The following MRTFA variants were observed in gnomAD, a reference collection of about 807,000 sequenced individuals.
MRTFA encodes the protein myocardin related transcription factor A.
A neutral mutation model predicts 83.5 loss-of-function variants in MRTFA; 20 were observed. That is an observed-to-expected ratio of 0.24 (90% CI 0.17 to 0.35). The LOEUF is 0.35. Among genes scored for constraint, MRTFA ranks in the 10% least tolerant of loss-of-function variants. The pLI is 1.00. For synonymous variants in MRTFA, 659 were observed against 541.2 expected, an observed-to-expected ratio of 1.22 and a Z score of -3.02; for missense variants, 1,200 against 1,224.7, an observed-to-expected ratio of 0.98 and a Z score of 0.30.
chr22:40,501,551 GC>G (rs1451307443), intron 3 of MRTFA, among the ~76,000 whole-genome samples: 3 of 142 alleles, frequency 0.021, no homozygotes, highest in Non-Finnish European at 0.012. Context: ...CGGGCGGGGG[GC>G]TGACCCCCCC....
chr22:40,631,847 C>A (rs2056645464), intron 1 of MRTFA, among the ~76,000 whole-genome samples: 1 of 152,162 alleles, frequency 6.6e-6, no homozygotes, highest in South Asian at 2.1e-4. Context: ...CAAAGGTAAT[C>A]TTTCCTACTC....
chr22:40,417,620 T>G (rs991667320), intron 12 of MRTFA, 127 bp from the exon 13 acceptor site: 333 of 622,590 alleles, frequency 5.3e-4, no homozygotes, highest in Middle Eastern at 1.9e-3. Context: ...TGGGAGGCAC[T>G]GGCTTTTAGG....
At chr22:40,480,321 C>T (rs1361628314) in intron 3 of MRTFA, among the ~76,000 whole-genome samples, 2 of 151,620 alleles carry the variant, frequency 1.3e-5, no homozygotes, top group African/African-American at 4.9e-5. Context: ...GCATTGTTGC[C>T]CAGGCTGGCC....
At chr22:40,459,816 C>CATATAT (rs1360700440) in intron 4 of MRTFA, among the ~76,000 whole-genome samples, 6 of 94,358 alleles carry the variant, frequency 6.4e-5, no homozygotes, top group South Asian at 4.3e-4. Flanking sequence ...CACACACACA[C>CATATAT]ACACACATAT....
chr22:40,440,552 C>A (rs1326907525), intron 4 of MRTFA, among the ~76,000 whole-genome samples: 1 of 152,214 alleles, frequency 6.6e-6, no homozygotes, highest in African/African-American at 2.4e-5. Context: ...GGAGCACTGG[C>A]CCCTCTTCCT....
intron 1 of MRTFA, among the ~76,000 whole-genome samples, chr22:40,629,405 C>G (rs553110430): frequency 8.6e-5 from 13 of 150,862 alleles, no homozygotes; most frequent in Non-Finnish European, 1.5e-5. Context: ...AAGATCGAAC[C>G]ACTGCACTCC....
At position 40,419,095 on chromosome 22, in the gene MRTFA, C is replaced by A. The variant is rs750617558; in HGVS notation, c.1643G>T (p.Gly548Val). The change falls in exon 12 of 15, where the codon GGC becomes GTC. Residue 548 changes from glycine to valine, a missense_variant. Coordinates refer to ENST00000355630, the MANE Select transcript of MRTFA (RefSeq NM_020831.6). ...GGTGGGAGACACGGGGGGCGTGGAG[C>A]CCGTGCTGCCAAACTTCACCACCCC... The A allele has an allele frequency of 2.7e-5, 43 of 1,598,322 alleles. No individual in the cohort carries two copies. Among genetic ancestry groups the A allele is most frequent in the Non-Finnish European group, 3.6e-5 (42 of 1,172,964 alleles).
rs76497662 is a variant in MRTFA at position 40,497,212 on chromosome 22, C to T, written c.242-33926G>A. On this transcript the variant is annotated intron_variant, in intron 3 of 14. Coordinates refer to ENST00000355630, the MANE Select transcript of MRTFA (RefSeq NM_020831.6). ...GGGCTGGAGAGTTAGAGAAGGCCTC[C>T]AGGAGGAGAGAAGGCACCTGCACTG... Among the ~76,000 whole-genome samples, 537 of 152,236 alleles carry T rather than the reference C, an allele frequency of 3.5e-3. 5 individuals carry two copies. Among genetic ancestry groups the T allele is most frequent in the African/African-American group, 0.012 (516 of 41,520 alleles).
chr22:40,450,353 T>C (rs935855434), intron 4 of MRTFA, among the ~76,000 whole-genome samples: 1 of 152,194 alleles, frequency 6.6e-6, no homozygotes, highest in Non-Finnish European at 1.5e-5. Context: ...CTGAAAGCAC[T>C]TGTACTGAAG....
intron 1 of MRTFA, among the ~76,000 whole-genome samples, chr22:40,620,512 G>T (rs998401234): frequency 2.0e-5 from 3 of 147,854 alleles, no homozygotes; most frequent in Admixed American, 6.9e-5. Context: ...GACCTCAGGT[G>T]ATCCACCTGG....
intron 1 of MRTFA, among the ~76,000 whole-genome samples, chr22:40,614,767 A>T (rs1330806777): frequency 6.6e-6 from 1 of 152,214 alleles, no homozygotes; most frequent in East Asian, 1.9e-4. Context: ...GATTACAGGC[A>T]TGAGCTGCAG....
intron 3 of MRTFA, among the ~76,000 whole-genome samples, chr22:40,546,413 G>T (rs1025717398): frequency 6.6e-6 from 1 of 152,242 alleles, no homozygotes; most frequent in South Asian, 2.1e-4. Flanking sequence ...CCGGAAAAAG[G>T]TAAGTCGTAG....
chr22:40,543,510 C>A (rs921916977), intron 3 of MRTFA, among the ~76,000 whole-genome samples: 56 of 152,208 alleles, frequency 3.7e-4, no homozygotes, highest in African/African-American at 1.2e-3. Flanking sequence ...CCAATCCTAT[C>A]CAGCACCTCA....
At chr22:40,455,774 A>G (rs1199597412) in intron 4 of MRTFA, among the ~76,000 whole-genome samples, 2 of 151,562 alleles carry the variant, frequency 1.3e-5, no homozygotes, top group Non-Finnish European at 2.9e-5. Flanking sequence ...GGACACAACA[A>G]CAACAACAAA....
chr22:40,590,672 CA>C (rs986997451), intron 2 of MRTFA, among the ~76,000 whole-genome samples: 4 of 90,248 alleles, frequency 4.4e-5, no homozygotes, highest in Non-Finnish European at 8.8e-5. Context: ...GACTCTGTCT[CA>C]AAAAAAGAAA....
At chr22:40,635,731 C>T (rs769847583) in intron 1 of MRTFA, among the ~76,000 whole-genome samples, 1 of 152,174 alleles carries the variant, frequency 6.6e-6, no homozygotes, top group Non-Finnish European at 1.5e-5. Flanking sequence ...CTGTGTCAAA[C>T]GCTTCACGTG....
chr22:40,529,029 C>T (rs970166264), intron 3 of MRTFA, among the ~76,000 whole-genome samples: 1 of 152,166 alleles, frequency 6.6e-6, no homozygotes, highest in African/African-American at 2.4e-5. Context: ...TGGAGTTTTT[C>T]GTCAGTTCTA....
chr22:40,454,455 G>C (rs2053548315), intron 4 of MRTFA, among the ~76,000 whole-genome samples: 1 of 152,174 alleles, frequency 6.6e-6, no homozygotes, highest in African/African-American at 2.4e-5. Context: ...ATAACTTAGA[G>C]GTAGGTGTGT....
intron 1 of MRTFA, among the ~76,000 whole-genome samples, chr22:40,631,206 G>A (rs2056637967): frequency 6.6e-6 from 1 of 152,090 alleles, no homozygotes; most frequent in East Asian, 1.9e-4. Flanking sequence ...AAGCAGCAAT[G>A]GTTAACATTT....
Sources: gnomAD v4.1 joint callset for allele counts (sites outside exome capture counted in the v4.1 genomes callset) on GRCh38, gnomAD v4.1.1 for gene constraint, MANE v1.5 for transcripts, NCBI Gene and HGNC (gene_info 2026-07-23, HGNC 2026-07-21) for gene names.